The following TRABD2B variants were observed in gnomAD, a reference collection of about 807,000 sequenced individuals.
TRABD2B encodes the protein TraB domain containing 2B, also known as metalloprotease TIKI2.
TRABD2B carries 14 observed loss-of-function variants against 40.1 expected under a neutral mutation model. The ratio of observed to expected loss-of-function variants is 0.35; its 90% confidence interval spans 0.23 to 0.55. The LOEUF is 0.55. Ranked by LOEUF, TRABD2B falls within the 20% of genes least tolerant of loss-of-function variation. TRABD2B has a pLI of 0.90. For missense variants in TRABD2B, 541 were observed against 648.6 expected, an observed-to-expected ratio of 0.83 and a Z score of 1.80; for synonymous variants, 263 against 277.0, an observed-to-expected ratio of 0.95 and a Z score of 0.50.
At chr1:47,794,790 G>GTTT (rs555844964) in intron 3 of TRABD2B, 30 bp from the exon 4 acceptor site, 29,643 of 1,116,342 alleles carry the variant, frequency 0.027, 5 homozygotes, top group South Asian at 0.035. Context: ...GCTGCCTTCA[G>GTTT]TTTTTTTTTT....
At chr1:47,973,080 T>C (rs1645704484) in intron 2 of TRABD2B, among the ~76,000 whole-genome samples, 1 of 152,228 alleles carries the variant, frequency 6.6e-6, no homozygotes, top group African/African-American at 2.4e-5. Flanking sequence ...CAATAAATAC[T>C]TGTTGACAGA....
intron 2 of TRABD2B, among the ~76,000 whole-genome samples, chr1:47,967,371 A>G (rs1645619108): frequency 6.8e-6 from 1 of 147,222 alleles, no homozygotes; most frequent in Admixed American, 6.8e-5. Context: ...ACACACACAC[A>G]CAGCAATACT....
At chr1:47,806,032 T>C (rs936212551) in intron 2 of TRABD2B, among the ~76,000 whole-genome samples, 1 of 152,140 alleles carries the variant, frequency 6.6e-6, no homozygotes. Context: ...AAGGGAGTGA[T>C]GGGCACAAGG....
intron 2 of TRABD2B, among the ~76,000 whole-genome samples, chr1:47,916,726 TG>T (rs35758222): frequency 1.3e-5 from 2 of 152,282 alleles, no homozygotes; most frequent in South Asian, 2.1e-4. Flanking sequence ...AGGGTCAGAC[TG>T]GGGGGGCTTG....
In TRABD2B at chr1:47,764,006, A is replaced by G. The variant is rs1207657601; in HGVS notation, c.*1896T>C. The G allele has an allele frequency of 2.0e-5, 3 of 152,242 alleles. No individual in the cohort carries two copies. Among genetic ancestry groups the G allele is most frequent in the African/African-American group, 7.2e-5 (3 of 41,460 alleles). 9.4% of individuals were successfully genotyped at this position (152,242 alleles called of 1,614,324 possible). ...GAGCTCCAGTCTCCTGCCAGGTCTCAAGCTCAAACACGTCCATCAGGGCTG... is the reference window on the plus strand; with the variant it reads ...GAGCTCCAGTCTCCTGCCAGGTCTCGAGCTCAAACACGTCCATCAGGGCTG... On this transcript the variant is annotated 3_prime_UTR_variant, in exon 7 of 7. Transcript: ENST00000606738.
At chr1:47,808,718 T>A (rs1254288962) in intron 2 of TRABD2B, among the ~76,000 whole-genome samples, 1 of 152,156 alleles carries the variant, frequency 6.6e-6, no homozygotes, top group East Asian at 1.9e-4. Flanking sequence ...AGGTCCCACA[T>A]TGAAGAACTA....
chr1:47,923,432 A>G (rs528438863), intron 2 of TRABD2B, among the ~76,000 whole-genome samples: 1 of 152,340 alleles, frequency 6.6e-6, no homozygotes, highest in African/African-American at 2.4e-5. Context: ...GCCAATTTAC[A>G]GGATGAATCA....
chr1:47,782,696 C>A (rs1644541660), intron 4 of TRABD2B, among the ~76,000 whole-genome samples: 2 of 152,210 alleles, frequency 1.3e-5, no homozygotes, highest in South Asian at 4.1e-4. Context: ...AGGAATTTGG[C>A]CCTTGGACCA....
At chr1:47,877,964 T>A (rs1219262394) in intron 2 of TRABD2B, among the ~76,000 whole-genome samples, 1 of 148,974 alleles carries the variant, frequency 6.7e-6, no homozygotes, top group Non-Finnish European at 1.5e-5. Flanking sequence ...ACTCCAGCAC[T>A]CTGCACTCCA....
intron 2 of TRABD2B, among the ~76,000 whole-genome samples, chr1:47,938,978 A>T (rs1350850407): frequency 2.0e-5 from 3 of 152,022 alleles, no homozygotes; most frequent in Admixed American, 2.0e-4. Context: ...AGACTGACAG[A>T]GGGGTGTGAA....
intron 2 of TRABD2B, among the ~76,000 whole-genome samples, chr1:47,943,148 CG>C (rs1456673665): frequency 1.3e-5 from 2 of 152,148 alleles, no homozygotes; most frequent in African/African-American, 4.8e-5. Flanking sequence ...TACTCCAGAA[CG>C]GGGTTCTGAA....
intron 2 of TRABD2B, among the ~76,000 whole-genome samples, chr1:47,870,558 G>A (rs939626472): frequency 6.6e-6 from 1 of 152,076 alleles, no homozygotes; most frequent in Non-Finnish European, 1.5e-5. Flanking sequence ...TTACTCATGC[G>A]CACGTCCCCT....
intron 2 of TRABD2B, among the ~76,000 whole-genome samples, chr1:47,875,104 T>C (rs1292801219): frequency 3.9e-5 from 6 of 151,988 alleles, no homozygotes; most frequent in South Asian, 2.1e-4. Flanking sequence ...GTAAGGCTCA[T>C]GGGCTCAGAC....
At chr1:47,973,613 C>T (rs1324204472) in intron 2 of TRABD2B, among the ~76,000 whole-genome samples, 2 of 152,166 alleles carry the variant, frequency 1.3e-5, no homozygotes, top group Non-Finnish European at 2.9e-5. Context: ...CTTGAAATCT[C>T]CACAAGCAAC....
At position 47,776,987 on chromosome 1, in the gene TRABD2B, C is replaced by T. The variant is rs536350343; in HGVS notation, c.1079+1467G>A. ...TGTTGGAGCCTCCTCAGCATTCCCG[C>T]CCCCCTCCGCCCTGCCAACTCCCTT... On this transcript the variant is annotated intron_variant, in intron 5 of 6. Transcript: ENST00000606738. Among the ~76,000 whole-genome samples, 10 of 152,184 alleles carry T rather than the reference C, an allele frequency of 6.6e-5. No individual in the cohort carries two copies. The East Asian group carries it at 1.7e-3, about 26-fold the overall frequency.
intron 2 of TRABD2B, among the ~76,000 whole-genome samples, chr1:47,897,028 T>C (rs948803792): frequency 6.6e-6 from 1 of 152,094 alleles, no homozygotes; most frequent in Admixed American, 6.5e-5. Flanking sequence ...GTATTGGATG[T>C]GATAGGGTAA....
At chr1:47,895,798 C>T (rs947825806) in intron 2 of TRABD2B, among the ~76,000 whole-genome samples, 36 of 152,248 alleles carry the variant, frequency 2.4e-4, no homozygotes, top group Admixed American at 2.3e-3. Context: ...TCAGGTCGCA[C>T]TGCTGAGGAG....
chr1:47,880,564 G>A (rs955313395), intron 2 of TRABD2B, among the ~76,000 whole-genome samples: 7 of 152,190 alleles, frequency 4.6e-5, no homozygotes, highest in Admixed American at 6.5e-5. Context: ...AGAACAGAGT[G>A]GGGAGTCGCT....
At chr1:47,878,216 T>C (rs1303856909) in intron 2 of TRABD2B, among the ~76,000 whole-genome samples, 1 of 152,006 alleles carries the variant, frequency 6.6e-6, no homozygotes, top group African/African-American at 2.4e-5. Context: ...CTTGGGTGGC[T>C]GAGGCAGGAG....
Sources: allele counts gnomAD v4.1 joint callset (sites outside exome capture counted in the v4.1 genomes callset), GRCh38; gene constraint gnomAD v4.1.1; transcripts MANE v1.5; gene names NCBI Gene and HGNC (gene_info 2026-07-23, HGNC 2026-07-21).